The following TNR variants were observed in gnomAD, a reference collection of about 807,000 sequenced individuals.
TNR encodes tenascin-R.
Under a neutral mutation model 150.4 loss-of-function variants are expected in TNR, and 45 were observed. That is an observed-to-expected ratio of 0.30 (90% confidence interval 0.24 to 0.38). The LOEUF (loss-of-function observed/expected upper bound fraction) is 0.38. Among genes scored for constraint, TNR ranks in the 10% least tolerant of loss-of-function variants. The probability of loss-of-function intolerance (pLI) is 1.00; values close to 1 mark genes in which losing one functional copy is unlikely to be tolerated. For missense variants in TNR, 1,544 were observed against 1,759.1 expected (o/e 0.88, Z 2.19); for synonymous variants, 687 against 678.4 (o/e 1.01, Z -0.20).
intron 1 of TNR, among the ~76,000 whole-genome samples, chr1:175,655,814 C>CAG (rs1241214330): frequency 1.3e-5 from 2 of 152,132 alleles, no homozygotes; most frequent in Non-Finnish European, 2.9e-5. Flanking sequence ...ACAGGGAAGT[C>CAG]AGAGAGAGGT....
chr1:175,593,102 T>C (rs1662864537), intron 1 of TNR, among the ~76,000 whole-genome samples: 1 of 152,284 alleles, frequency 6.6e-6, no homozygotes, highest in Admixed American at 6.5e-5. Context: ...AGAGAATCAA[T>C]AGTGGCAGAA....
At chr1:175,703,427 A>G (rs140533226) in intron 1 of TNR, among the ~76,000 whole-genome samples, 2,289 of 152,338 alleles carry the variant, frequency 0.015, 70 homozygotes, top group African/African-American at 0.051. Context: ...GAAGTATTCA[A>G]TGAATGAGCA....
intron 2 of TNR, among the ~76,000 whole-genome samples, chr1:175,427,928 T>TCCTA (rs1321564182): frequency 2.1e-5 from 3 of 142,238 alleles, no homozygotes; most frequent in Non-Finnish European, 4.6e-5. Flanking sequence ...CTTCCTTCCT[T>TCCTA]CCTGTCTCCA....
Position 175,378,900 on chromosome 1 carries a change from C to G in TNR, c.1963+652G>C, listed in dbSNP as rs1652532857. Among the ~76,000 whole-genome samples, 3 of 152,264 alleles carry G rather than the reference C, an allele frequency of 2.0e-5. No individual in the cohort carries two copies. In the South Asian group the frequency reaches 6.2e-4, roughly 32 times the overall value. ...GTACTTTGAAAAAGTCACTGGAAGG[C>G]CAGGTGCAGTGGCTCACACCTGTAA... is the stretch of plus-strand genomic sequence containing the variant. On this transcript the variant is annotated intron_variant, in intron 9 of 22. Transcript: ENST00000367674.
intron 1 of TNR, among the ~76,000 whole-genome samples, chr1:175,675,637 T>C (rs1665839412): frequency 2.0e-5 from 3 of 152,322 alleles, no homozygotes; most frequent in Admixed American, 1.3e-4. Context: ...ACATCCTTCA[T>C]AGGTACATGA....
intron 2 of TNR, among the ~76,000 whole-genome samples, chr1:175,483,009 C>T (rs1252506282): frequency 6.6e-6 from 1 of 152,206 alleles, no homozygotes; most frequent in Non-Finnish European, 1.5e-5. Flanking sequence ...GCAATTCCTC[C>T]AAACTGAATT....
chr1:175,439,105 C>T (rs1006505327), intron 2 of TNR, among the ~76,000 whole-genome samples: 2 of 152,170 alleles, frequency 1.3e-5, no homozygotes, highest in South Asian at 2.1e-4. Flanking sequence ...GGAGGCATCA[C>T]GCTATCTGAC....
chr1:175,703,563 T>C (rs941578151), intron 1 of TNR, among the ~76,000 whole-genome samples: 6 of 152,230 alleles, frequency 3.9e-5, no homozygotes, highest in Admixed American at 2.0e-4. Flanking sequence ...TACTGATGAC[T>C]TTAATTAAGA....
At chr1:175,578,474 A>G (rs1662210348) in intron 1 of TNR, among the ~76,000 whole-genome samples, 1 of 152,186 alleles carries the variant, frequency 6.6e-6, no homozygotes, top group South Asian at 2.1e-4. Flanking sequence ...AGAAAATACA[A>G]ACAGTGCAAA....
chr1:175,728,537 T>A (rs1320625701), intron 1 of TNR, among the ~76,000 whole-genome samples: 5 of 152,268 alleles, frequency 3.3e-5, no homozygotes, highest in Non-Finnish European at 5.9e-5. Flanking sequence ...AAATTCTCGC[T>A]GCAGAGGCCT....
chr1:175,696,217 G>GTTTTGTTTTGTTT (rs747012645), intron 1 of TNR, among the ~76,000 whole-genome samples: 1 of 40,460 alleles, frequency 2.5e-5, no homozygotes. Context: ...CCTTCCTGTA[G>GTTTTGTTTTGTTT]TTTTTTTTTT....
At chr1:175,429,977 C>A (rs10912977) in intron 2 of TNR, among the ~76,000 whole-genome samples, 2 of 151,516 alleles carry the variant, frequency 1.3e-5, no homozygotes, top group Non-Finnish European at 2.9e-5. Flanking sequence ...GTACTTTGTG[C>A]AACTTTACAA....
chr1:175,391,555 G>A (rs765260020), intron 6 of TNR, 117 bp from the exon 7 acceptor site: 186 of 1,127,270 alleles, frequency 1.6e-4, no homozygotes, highest in Non-Finnish European at 2.1e-4. Flanking sequence ...AAATGGGGGC[G>A]ATGTCTCTTT....
chr1:175,415,377 C>T (rs548363142), intron 2 of TNR, among the ~76,000 whole-genome samples: 5 of 152,228 alleles, frequency 3.3e-5, no homozygotes, highest in East Asian at 1.9e-4. Context: ...GAAAAGAACC[C>T]GAGGGCAGAA....
rs553021793 is a variant in TNR at position 175,583,410 on chromosome 1, C to T, written c.-164-55041G>A. Among the ~76,000 whole-genome samples, 9 of 152,296 alleles carry T rather than the reference C, an allele frequency of 5.9e-5. No individual in the cohort carries two copies. The South Asian group carries it at 6.2e-4, about 11-fold the overall frequency. On this transcript the variant is annotated intron_variant, in intron 1 of 22. Coordinates refer to ENST00000367674, the MANE Select transcript of TNR (RefSeq NM_003285.3). The stretch of plus-strand genomic sequence containing the variant: ...AATGACAAGCATCCTGCAAGAATTG[C>T]GAGACACCCAGCAGCAGGCAGCAGC...
intron 2 of TNR, among the ~76,000 whole-genome samples, chr1:175,490,626 A>G (rs1025417999): frequency 2.6e-5 from 4 of 152,218 alleles, no homozygotes; most frequent in Non-Finnish European, 4.4e-5. Flanking sequence ...GAAAACCTCA[A>G]CATCACTGAT....
rs1043759676 is a variant in TNR at position 175,363,945 on chromosome 1, T to C, written c.2588-118A>G. Reference sequence around the variant, plus strand: ...GTTGTCCCAAAGGCAGACAAGATCTTTCCATGTAATAGGGTATCTTAAAAC... The same window carrying C: ...GTTGTCCCAAAGGCAGACAAGATCTCTCCATGTAATAGGGTATCTTAAAAC... On this transcript the variant is annotated intron_variant, in intron 12 of 22. Transcript: ENST00000367674. 5.5e-6 allele frequency: 7 copies of C among 1,263,406 alleles called. No individual in the cohort carries two copies. The African/African-American group carries it at 9.0e-5, about 16-fold the overall frequency. 78.3% of individuals were successfully genotyped at this position (1,263,406 alleles called of 1,614,324 possible). A position where few individuals can be genotyped will look rare whatever the true frequency, so the allele number is the denominator to read the frequency against.
chr1:175,399,886 T>C (rs924266430), intron 4 of TNR, among the ~76,000 whole-genome samples: 1 of 152,226 alleles, frequency 6.6e-6, no homozygotes, highest in African/African-American at 2.4e-5. Flanking sequence ...ATTAGTTCCA[T>C]GATGTGTCTT....
chr1:175,423,219 G>C (rs78524586), intron 2 of TNR, among the ~76,000 whole-genome samples: 3 of 152,290 alleles, frequency 2.0e-5, no homozygotes, highest in African/African-American at 7.2e-5. Flanking sequence ...AGAAGCACCT[G>C]GTGTTCATTT....
Sources: gnomAD v4.1 joint callset for allele counts (sites outside exome capture counted in the v4.1 genomes callset) on GRCh38, gnomAD v4.1.1 for gene constraint, MANE v1.5 for transcripts, NCBI Gene and HGNC (gene_info 2026-07-23, HGNC 2026-07-21) for gene names.